LARGE1: variants seen among roughly 807,000 people sequenced by gnomAD.
The protein encoded by LARGE1 is xylosyl- and glucuronyltransferase LARGE1.
Under a neutral mutation model 87.6 loss-of-function variants are expected in LARGE1, and 43 were observed. The observed-to-expected ratio is 0.49, with a 90% CI of 0.38 to 0.63. The LOEUF is 0.63. Ranked by LOEUF, LARGE1 falls within the 30% of genes least tolerant of loss-of-function variation. The pLI is 0.00. For synonymous variants in LARGE1, 434 were observed against 394.6 expected (o/e 1.10, Z -1.18); for missense variants, 802 against 1,000.2 (o/e 0.80, Z 2.67).
At chr22:33,406,678 C>T (rs62225287) in intron 7 of LARGE1, among the ~76,000 whole-genome samples, 18,430 of 152,174 alleles carry the variant, frequency 0.12, 2,018 homozygotes, top group African/African-American at 0.29. Context: ...ATGCCCAGGG[C>T]TGTGTGGTGG....
chr22:33,829,006 CTTTTTTTTTTT>C (rs776583343), intron 1 of LARGE1, among the ~76,000 whole-genome samples: 1 of 94,800 alleles, frequency 1.1e-5, no homozygotes, highest in Non-Finnish European at 2.0e-5. Context: ...GTCTCTTTTT[CTTTTTTTTTTT>C]TTTTTTTTTT....
chr22:33,889,760 C>A (rs571779093), intron 1 of LARGE1, among the ~76,000 whole-genome samples: 214 of 152,282 alleles, frequency 1.4e-3, no homozygotes, highest in Non-Finnish European at 2.3e-3. Flanking sequence ...CTGGAGTGAC[C>A]AGAAGATAGA....
the LARGE1 span, among the ~76,000 whole-genome samples, chr22:33,104,297 C>G: frequency 6.6e-6 from 1 of 152,140 alleles, no homozygotes; most frequent in Non-Finnish European, 1.5e-5. Context: ...CAACACAGAG[C>G]AAGAGTAAAG....
At chr22:33,735,674 T>G (rs1456844508) in intron 2 of LARGE1, among the ~76,000 whole-genome samples, 1 of 152,198 alleles carries the variant, frequency 6.6e-6, no homozygotes, top group Non-Finnish European at 1.5e-5. Flanking sequence ...ACCAAATAAG[T>G]CACCCTTTTA....
At chr22:33,146,899 C>T in the LARGE1 span, among the ~76,000 whole-genome samples, 1 of 152,206 alleles carries the variant, frequency 6.6e-6, no homozygotes, top group Non-Finnish European at 1.5e-5. Flanking sequence ...TTCCAGTCTA[C>T]AGCCGTGTCT....
chr22:33,915,020 C>CAA (rs2065743513), intron 1 of LARGE1, among the ~76,000 whole-genome samples: 4 of 94,968 alleles, frequency 4.2e-5, no homozygotes, highest in Non-Finnish European at 6.2e-5. Context: ...CAAACACACA[C>CAA]ACACACACAC....
chr22:33,694,080 C>T (rs1335020205), intron 2 of LARGE1, among the ~76,000 whole-genome samples: 2 of 152,158 alleles, frequency 1.3e-5, no homozygotes, highest in African/African-American at 4.8e-5. Context: ...CTAGTGAATT[C>T]TGGAATCAGT....
At chr22:33,855,328 C>T (rs954873746) in intron 1 of LARGE1, among the ~76,000 whole-genome samples, 1 of 151,804 alleles carries the variant, frequency 6.6e-6, no homozygotes, top group African/African-American at 2.4e-5. Flanking sequence ...AGCGGGACCC[C>T]GTCTCAAAAA....
chr22:33,150,649 T>A, the LARGE1 span, among the ~76,000 whole-genome samples: 32 of 152,340 alleles, frequency 2.1e-4, no homozygotes, highest in Middle Eastern at 3.4e-3. Context: ...TAGGTTAAGG[T>A]TCAATTTTTG....
intron 1 of LARGE1, among the ~76,000 whole-genome samples, chr22:33,792,575 C>T (rs927684634): frequency 1.3e-5 from 2 of 152,040 alleles, no homozygotes; most frequent in Non-Finnish European, 2.9e-5. Context: ...CTAGGAAACC[C>T]CTAAGAGGGC....
chr22:33,734,376 A>C (rs1156322758), intron 2 of LARGE1, among the ~76,000 whole-genome samples: 1 of 152,156 alleles, frequency 6.6e-6, no homozygotes, highest in Admixed American at 6.5e-5. Context: ...AGAAGAGGGT[A>C]CTGATGTGGT....
At chr22:33,565,155 T>C in intron 5 of LARGE1, 136 bp from the exon 6 acceptor site, 2 of 796,236 alleles carry the variant, frequency 2.5e-6, no homozygotes, top group Non-Finnish European at 4.1e-6. Flanking sequence ...AATGAATGAG[T>C]TTTCTTTTAA....
At chr22:33,563,603 C>A (rs1238449764) in intron 6 of LARGE1, among the ~76,000 whole-genome samples, 1 of 152,172 alleles carries the variant, frequency 6.6e-6, no homozygotes, top group Non-Finnish European at 1.5e-5. Context: ...AAGACACGGG[C>A]ACTCTGATCT....
At chr22:33,269,269 A>T (rs112930631), downstream of LARGE1, among the ~76,000 whole-genome samples, 2,084 of 152,332 alleles carry the variant, frequency 0.014, 50 homozygotes, top group South Asian at 0.054. Context: ...TAGTTTTCAA[A>T]CTTACAGTTT....
intron 11 of LARGE1, among the ~76,000 whole-genome samples, chr22:33,201,468 G>A (rs1191945426): frequency 1.3e-5 from 2 of 151,988 alleles, no homozygotes; most frequent in Non-Finnish European, 2.9e-5. Context: ...AGAAAACATA[G>A]AACAGGTAAG....
At chr22:33,629,584 G>A (rs1311496297) in intron 3 of LARGE1, among the ~76,000 whole-genome samples, 2 of 152,192 alleles carry the variant, frequency 1.3e-5, no homozygotes, top group Non-Finnish European at 2.9e-5. Context: ...AAAATCTGGG[G>A]TTACAGAAGT....
At chr22:33,092,264 T>G in the LARGE1 span, among the ~76,000 whole-genome samples, 6 of 151,982 alleles carry the variant, frequency 3.9e-5, no homozygotes, top group Admixed American at 2.0e-4. Flanking sequence ...TTTTTCTATT[T>G]TCTTCAACAA....
chr22:33,411,158 T>C (rs2066292706), intron 7 of LARGE1, among the ~76,000 whole-genome samples: 2 of 152,164 alleles, frequency 1.3e-5, no homozygotes, highest in African/African-American at 4.8e-5. Flanking sequence ...ACCCCTGACC[T>C]TGTATGGGTC....
intron 6 of LARGE1, among the ~76,000 whole-genome samples, chr22:33,444,596 GA>G (rs1219402976): frequency 6.6e-6 from 1 of 152,182 alleles, no homozygotes; most frequent in African/African-American, 2.4e-5. Context: ...AATTCTTGTT[GA>G]ATGAGGAAGA....
Sources: gnomAD v4.1 joint callset for allele counts (sites outside exome capture counted in the v4.1 genomes callset) on GRCh38, gnomAD v4.1.1 for gene constraint, MANE v1.5 for transcripts, NCBI Gene and HGNC (gene_info 2026-07-23, HGNC 2026-07-21) for gene names.